The following PTPRK variants were observed in gnomAD, a reference collection of about 807,000 sequenced individuals.
PTPRK encodes the protein receptor-type tyrosine-protein phosphatase kappa.
PTPRK carries 75 observed loss-of-function variants against 178.0 expected under a neutral mutation model. The ratio of observed to expected loss-of-function variants is 0.42; its 90% CI spans 0.35 to 0.51. The LOEUF is 0.51. PTPRK is among the 20% of genes least tolerant of loss of function. The probability of loss-of-function intolerance (pLI) is 0.02; values close to 1 mark genes in which losing one functional copy is unlikely to be tolerated. For synonymous variants in PTPRK, 637 were observed against 620.6 expected, an observed-to-expected ratio of 1.03 and a Z score of -0.39; for missense variants, 1,441 against 1,797.8, an observed-to-expected ratio of 0.80 and a Z score of 3.59.
chr6:128,336,078 T>C (rs112474635), intron 2 of PTPRK, among the ~76,000 whole-genome samples: 4 of 152,324 alleles, frequency 2.6e-5, no homozygotes, highest in African/African-American at 9.6e-5. Flanking sequence ...TACAATTAAT[T>C]CAACTTTGTC....
chr6:128,167,027 T>C (rs987282496), intron 7 of PTPRK, among the ~76,000 whole-genome samples: 6 of 151,704 alleles, frequency 4.0e-5, no homozygotes, highest in African/African-American at 1.5e-4. Context: ...AATATTCAAC[T>C]TCCTCAAAAA....
chr6:128,242,179 C>T (rs1195512590), intron 4 of PTPRK, among the ~76,000 whole-genome samples: 3 of 152,044 alleles, frequency 2.0e-5, no homozygotes, highest in African/African-American at 7.2e-5. Flanking sequence ...TTCTGTTGAA[C>T]TCTGATTTGC....
In PTPRK at chr6:127,995,424, C is replaced by A. The variant is rs773264010; in HGVS notation, c.2844+38G>T. The A allele has an allele frequency of 1.9e-5, 29 of 1,491,832 alleles. No individual in the cohort carries two copies. In the East Asian group the frequency reaches 2.3e-4, roughly 12 times the overall value. The allele number at this position is 1,491,832 out of a possible 1,614,324, so 92.4% of individuals were successfully genotyped here. On this transcript the variant is annotated intron_variant, in intron 18 of 29. Transcript: ENST00000368226. ...AAGCAAAAAGGTTCATATATATAAG[C>A]CAATAAAGTAGACATACTTAACTAT...
At chr6:128,005,899 T>G in intron 14 of PTPRK, 1 of 561,986 alleles carries the variant, frequency 1.8e-6, no homozygotes, top group East Asian at 3.4e-5. Flanking sequence ...AAGTTTATAG[T>G]TTTAGAGTCT....
chr6:128,282,538 C>G (rs950518652), intron 3 of PTPRK, among the ~76,000 whole-genome samples: 2 of 152,140 alleles, frequency 1.3e-5, no homozygotes, highest in African/African-American at 4.8e-5. Flanking sequence ...TCTTTAAACA[C>G]CAGAAGTTGA....
chr6:127,996,489 T>G (rs1269594500), intron 17 of PTPRK, among the ~76,000 whole-genome samples: 1 of 152,174 alleles, frequency 6.6e-6, no homozygotes, highest in African/African-American at 2.4e-5. Context: ...TGTTGTTTTT[T>G]GAGACAGAGT....
At chr6:128,397,882 AAAG>A (rs1160562301) in intron 1 of PTPRK, among the ~76,000 whole-genome samples, 194 bp from the exon 2 acceptor site, 1 of 152,192 alleles carries the variant, frequency 6.6e-6, no homozygotes, top group Non-Finnish European at 1.5e-5. Flanking sequence ...TCTGTTTGAA[AAAG>A]AAGCCCATTT....
At chr6:128,367,675 A>G (rs1241304401) in intron 2 of PTPRK, among the ~76,000 whole-genome samples, 1 of 152,178 alleles carries the variant, frequency 6.6e-6, no homozygotes. Context: ...CAATACTACA[A>G]TAAAAGATAA....
chr6:128,250,556 G>T (rs73592688), intron 3 of PTPRK, among the ~76,000 whole-genome samples: 7,702 of 152,188 alleles, frequency 0.051, 659 homozygotes, highest in African/African-American at 0.18. Context: ...TAGACATTTA[G>T]CTCATTTTTG....
At chr6:128,465,271 CT>C (rs200512681) in intron 1 of PTPRK, among the ~76,000 whole-genome samples, 3 of 151,432 alleles carry the variant, frequency 2.0e-5, no homozygotes, top group East Asian at 1.9e-4. Flanking sequence ...AAACAAGTTG[CT>C]TTTTTTTCAA....
At chr6:128,491,803 A>G (rs779337120) in intron 1 of PTPRK, 12 of 518,210 alleles carry the variant, frequency 2.3e-5, no homozygotes, top group Non-Finnish European at 4.6e-5. Context: ...AATGGCAGAC[A>G]GCAGCAGAAC....
chr6:127,978,700 CA>C (rs1389425556), intron 25 of PTPRK, among the ~76,000 whole-genome samples: 1 of 152,142 alleles, frequency 6.6e-6, no homozygotes, highest in Non-Finnish European at 1.5e-5. Context: ...TTTTGAGCCA[CA>C]GGGGAGGGGA....
At chr6:128,009,852 A>T (rs1003780998) in intron 13 of PTPRK, among the ~76,000 whole-genome samples, 3 of 151,268 alleles carry the variant, frequency 2.0e-5, no homozygotes, top group African/African-American at 7.3e-5. Context: ...AATATTTCAA[A>T]TTCTTTTATT....
At chr6:128,243,995 T>C (rs746370729) in intron 3 of PTPRK, among the ~76,000 whole-genome samples, 1 of 151,966 alleles carries the variant, frequency 6.6e-6, no homozygotes, top group Non-Finnish European at 1.5e-5. Context: ...AAAGGAAAGA[T>C]AAAAATAATA....
At chr6:128,041,883 T>A (rs1400138486) in intron 13 of PTPRK, among the ~76,000 whole-genome samples, 1 of 151,928 alleles carries the variant, frequency 6.6e-6, no homozygotes, top group Non-Finnish European at 1.5e-5. Flanking sequence ...TATAGTTTTA[T>A]AAAAGTGTGT....
At chr6:128,153,729 G>GT (rs953129272) in intron 7 of PTPRK, among the ~76,000 whole-genome samples, 4 of 151,822 alleles carry the variant, frequency 2.6e-5, no homozygotes, top group Admixed American at 1.3e-4. Flanking sequence ...CAATGACAAC[G>GT]TTTTAGATAC....
At chr6:128,361,332 A>AAAAC (rs1834709353) in intron 2 of PTPRK, among the ~76,000 whole-genome samples, 1 of 152,212 alleles carries the variant, frequency 6.6e-6, no homozygotes, top group African/African-American at 2.4e-5. Context: ...CTATATTTAA[A>AAAAC]AAACAAACAG....
chr6:128,026,119 A>C (rs1044587104), intron 13 of PTPRK, among the ~76,000 whole-genome samples: 8 of 152,196 alleles, frequency 5.3e-5, no homozygotes, highest in Non-Finnish European at 8.8e-5. Flanking sequence ...GAGAGGCCTA[A>C]GTGATGATAT....
intron 1 of PTPRK, among the ~76,000 whole-genome samples, chr6:128,402,561 T>A (rs183128205): frequency 1.4e-4 from 21 of 152,328 alleles, no homozygotes; most frequent in African/African-American, 4.8e-4. Flanking sequence ...CAGAAATTAA[T>A]GCTTTTAAAT....
Sources: gnomAD v4.1 joint callset for allele counts (sites outside exome capture counted in the v4.1 genomes callset) on GRCh38, gnomAD v4.1.1 for gene constraint, MANE v1.5 for transcripts, NCBI Gene and HGNC (gene_info 2026-07-23, HGNC 2026-07-21) for gene names.